The following ZNF423 variants were observed in gnomAD, a reference collection of about 807,000 sequenced individuals.
ZNF423 encodes zinc finger protein 423, also known as Ebf-associated zinc finger protein.
A neutral mutation model predicts 95.8 loss-of-function variants in ZNF423; 12 were observed. The observed-to-expected ratio is 0.13, with a 90% CI of 0.08 to 0.20. The LOEUF is 0.20. Ranked by LOEUF, ZNF423 falls within the 10% of genes least tolerant of loss-of-function variation. The probability of loss-of-function intolerance (pLI) is 1.00; values close to 1 mark genes in which losing one functional copy is unlikely to be tolerated. For missense variants in ZNF423, 1,316 were observed against 1,737.1 expected, an observed-to-expected ratio of 0.76 and a Z score of 4.31; for synonymous variants, 749 against 711.9, an observed-to-expected ratio of 1.05 and a Z score of -0.83.
At chr16:49,781,838 T>A (rs1456613789) in intron 2 of ZNF423, among the ~76,000 whole-genome samples, 1 of 152,208 alleles carries the variant, frequency 6.6e-6, no homozygotes, top group Admixed American at 6.5e-5. Flanking sequence ...GAGGCTTCAA[T>A]GCATTCTTCC....
At chr16:49,561,275 A>G (rs948769898) in intron 5 of ZNF423, among the ~76,000 whole-genome samples, 2 of 152,214 alleles carry the variant, frequency 1.3e-5, no homozygotes, top group African/African-American at 4.8e-5. Context: ...AGGCTACAAA[A>G]TCAAAATTCT....
At chr16:49,760,880 T>A (rs942060986) in intron 2 of ZNF423, among the ~76,000 whole-genome samples, 1 of 148,960 alleles carries the variant, frequency 6.7e-6, no homozygotes, top group Non-Finnish European at 1.5e-5. Flanking sequence ...TCTCCCCAAA[T>A]TCCCCCTGCC....
intron 2 of ZNF423, among the ~76,000 whole-genome samples, chr16:49,760,352 A>G (rs1452749828): frequency 3.3e-5 from 5 of 151,612 alleles, no homozygotes; most frequent in Admixed American, 6.6e-5. Flanking sequence ...GGATTAATGA[A>G]TGGATGGATG....
rs546619546 is a variant in ZNF423, at chr16:49,492,366, G to T, written c.3850-1062C>A. ...CCCCCAGGGCCCGGCGACTCCTGCA[G>T]CTGTGCCGCTGACCGCCAGGGGTCA... On this transcript the variant is annotated intron_variant, in intron 7 of 7. Transcript: ENST00000563137. The surrounding 1 kb of genome is among the most constrained non-coding windows in gnomAD (Gnocchi z 4.2). Among the ~76,000 whole-genome samples the T allele has an allele frequency of 6.6e-6, 1 of 152,292 alleles. No individual in the cohort carries two copies. Among genetic ancestry groups the T allele is most frequent in the South Asian group, 2.1e-4 (1 of 4,832 alleles).
At chr16:49,683,492 G>C (rs951040618) in intron 3 of ZNF423, among the ~76,000 whole-genome samples, 1 of 152,134 alleles carries the variant, frequency 6.6e-6, no homozygotes, top group Admixed American at 6.6e-5. Context: ...AGAGGACAAA[G>C]GACCAAGTTC....
At chr16:49,788,613 C>T (rs1335217006) in intron 2 of ZNF423, among the ~76,000 whole-genome samples, 1 of 152,228 alleles carries the variant, frequency 6.6e-6, no homozygotes, top group Non-Finnish European at 1.5e-5. Context: ...TCATAGGCCT[C>T]CTCAGGCCTT....
intron 7 of ZNF423, among the ~76,000 whole-genome samples, chr16:49,505,942 C>T (rs2151670373): frequency 6.6e-6 from 1 of 152,282 alleles, no homozygotes; most frequent in East Asian, 1.9e-4. Flanking sequence ...TGCCCTGTGC[C>T]CCCCACTTCT....
chr16:49,769,083 C>G (rs1435282088), intron 2 of ZNF423, among the ~76,000 whole-genome samples: 1 of 152,118 alleles, frequency 6.6e-6, no homozygotes, highest in African/African-American at 2.4e-5. Context: ...CAAAAAGAAA[C>G]TTGGGCACAT....
intron 2 of ZNF423, among the ~76,000 whole-genome samples, chr16:49,736,098 A>G (rs1468285380): frequency 1.3e-5 from 2 of 152,190 alleles, no homozygotes; most frequent in Non-Finnish European, 2.9e-5. Context: ...GTAGGGGCTC[A>G]ATAAATGTTG....
intron 1 of ZNF423, among the ~76,000 whole-genome samples, chr16:49,801,873 C>G (rs1242323606): frequency 6.6e-6 from 1 of 152,114 alleles, no homozygotes; most frequent in East Asian, 1.9e-4. Context: ...TTTAGAGATA[C>G]AGCCTTGTTC....
In ZNF423 at chr16:49,638,658, G is replaced by A. The variant is rs1352235005; in HGVS notation, c.518C>T (p.Pro173Leu). 9.9e-6 allele frequency: 16 copies of A among 1,614,034 alleles called. No individual in the cohort carries two copies. Among genetic ancestry groups the A allele is most frequent in the Non-Finnish European group, 1.4e-5 (16 of 1,180,022 alleles). ...RHEQIHSDKLPFKCTYCSRLF... is the reference protein window; with the variant it reads ...RHEQIHSDKLLFKCTYCSRLF... The stretch of plus-strand genomic sequence containing the variant: ...GCGGCTGCAGTAGGTGCACTTGAAC[G>A]GCAGCTTGTCGCTGTGGATCTGCTC... The change falls in exon 4 of 8, where the codon CCG (proline) becomes CTG (leucine). Residue 173 changes from proline (P) to leucine (L), a missense_variant. Around this residue, in one of 6 missense-constraint regions of ZNF423, gnomAD observed 58 missense variants for 116.9 expected, o/e 0.50. Transcript: ENST00000563137. This position sits in a 1 kb window ranked among gnomAD's most constrained non-coding sequence, Gnocchi z 5.6.
At chr16:49,599,267 G>A (rs954519214) in intron 5 of ZNF423, among the ~76,000 whole-genome samples, 3 of 152,144 alleles carry the variant, frequency 2.0e-5, no homozygotes, top group African/African-American at 7.2e-5. Flanking sequence ...TAGGTTACTT[G>A]GCAGCCCTTA....
intron 1 of ZNF423, among the ~76,000 whole-genome samples, chr16:49,843,497 G>A (rs945479412): frequency 1.3e-5 from 2 of 152,162 alleles, no homozygotes; most frequent in Non-Finnish European, 2.9e-5. Flanking sequence ...ATACTGATGT[G>A]CAACTAACCA....
At chr16:49,712,578 G>A (rs898556705) in intron 3 of ZNF423, among the ~76,000 whole-genome samples, 3 of 152,166 alleles carry the variant, frequency 2.0e-5, no homozygotes, top group African/African-American at 7.2e-5. Context: ...TGCATCCCTC[G>A]CTAGGGACCT....
chr16:49,650,685 C>T (rs1219155023), intron 3 of ZNF423, among the ~76,000 whole-genome samples: 1 of 152,222 alleles, frequency 6.6e-6, no homozygotes, highest in African/African-American at 2.4e-5. Flanking sequence ...GAATCCCTCT[C>T]ACCCTCATAA....
At chr16:49,813,258 C>G (rs568945283) in intron 1 of ZNF423, among the ~76,000 whole-genome samples, 1 of 148,740 alleles carries the variant, frequency 6.7e-6, no homozygotes, top group Non-Finnish European at 1.5e-5. Flanking sequence ...GCTGGCCTAA[C>G]AGGCAACGGC....
intron 2 of ZNF423, among the ~76,000 whole-genome samples, chr16:49,783,763 A>T (rs561728536): frequency 6.6e-6 from 1 of 152,114 alleles, no homozygotes; most frequent in Non-Finnish European, 1.5e-5. Context: ...CAAGGTCAGG[A>T]GATCGAGATC....
At chr16:49,718,469 A>G (rs1297755515) in intron 3 of ZNF423, among the ~76,000 whole-genome samples, 2 of 152,152 alleles carry the variant, frequency 1.3e-5, no homozygotes, top group Non-Finnish European at 2.9e-5. Flanking sequence ...TAAGGAACAC[A>G]CTTCTCTTTC....
At chr16:49,721,638 C>T (rs2032868691) in intron 3 of ZNF423, among the ~76,000 whole-genome samples, 1 of 152,128 alleles carries the variant, frequency 6.6e-6, no homozygotes, top group African/African-American at 2.4e-5. Context: ...CAGCAACACC[C>T]ATCGTGCCAG....
Sources: gnomAD v4.1 joint callset for allele counts (sites outside exome capture counted in the v4.1 genomes callset) on GRCh38, gnomAD v4.1.1 for gene constraint, gnomAD v4.1.1 regional missense constraint, Gnocchi (gnomAD v3.1) non-coding constraint, MANE v1.5 for transcripts, NCBI Gene and HGNC (gene_info 2026-07-23, HGNC 2026-07-21) for gene names.